The following FRYL variants were observed in gnomAD, a reference collection of about 807,000 sequenced individuals.
The protein encoded by FRYL is FRY like transcription coactivator, also known as protein furry homolog-like.
FRYL carries 150 observed loss-of-function variants against 351.2 expected under a neutral mutation model. The observed-to-expected ratio is 0.43, with a 90% CI of 0.37 to 0.49. The LOEUF is 0.49. Ranked by LOEUF, FRYL falls within the 20% of genes least tolerant of loss-of-function variation. FRYL has a pLI of 0.00. For synonymous variants in FRYL, 1,153 were observed against 1,257.1 expected, an observed-to-expected ratio of 0.92 and a Z score of 1.75; for missense variants, 3,036 against 3,619.3, an observed-to-expected ratio of 0.84 and a Z score of 4.13.
Position 48,558,651 on chromosome 4 carries a change from G to T in FRYL, c.3866-939C>A, listed in dbSNP as rs560165016. 7.9e-5 allele frequency among the ~76,000 whole-genome samples: 12 copies of T among 152,258 alleles called. No homozygotes were observed. In the South Asian group the frequency reaches 2.5e-3, roughly 32 times the overall value. ...AGATAAAAGAACATCTTTATACACAGATTAATTTTAAATTGACCCATTAGG... is the reference window on the plus strand; with the variant it reads ...AGATAAAAGAACATCTTTATACACATATTAATTTTAAATTGACCCATTAGG... On this transcript the variant is annotated intron_variant, in intron 33 of 63. Coordinates refer to ENST00000358350, the MANE Select transcript of FRYL (RefSeq NM_015030.2).
intron 3 of FRYL, among the ~76,000 whole-genome samples, chr4:48,679,049 GT>G (rs754983471): frequency 1.4e-4 from 22 of 152,220 alleles, no homozygotes; most frequent in Middle Eastern, 3.4e-3. Context: ...CTGTAGTAAA[GT>G]GAAGAAAACA....
In FRYL at chr4:48,589,813, T is replaced by C; in HGVS notation, c.1572A>G (p.Lys524=). Residue 524 remains lysine (K), a synonymous_variant, in exon 18 of 64, where the codon AAA becomes AAG. Transcript: ENST00000358350. The part of the protein sequence containing the change: ...ALDSILRHLD[K]EVGRPMCMTS... Reference sequence around the variant, plus strand: ...TCATACACATTGGTCTCCCAACTTCTTTGTCCAAATGTCTGAGGATGCTAT... The same window carrying C: ...TCATACACATTGGTCTCCCAACTTCCTTGTCCAAATGTCTGAGGATGCTAT... 1 of 1,613,796 alleles carries C rather than the reference T, an allele frequency of 6.2e-7. No homozygotes were observed. Among genetic ancestry groups the C allele is most frequent in the Non-Finnish European group, 8.5e-7 (1 of 1,179,716 alleles).
intron 4 of FRYL, among the ~76,000 whole-genome samples, chr4:48,625,679 T>C (rs1751645328): frequency 6.6e-6 from 1 of 152,136 alleles, no homozygotes; most frequent in African/African-American, 2.4e-5. Context: ...ACTTGACCAT[T>C]CATGAATTTT....
rs545890533 is a variant in FRYL, at chr4:48,675,786, G to A, written c.-81+8887C>T. ...GCAGCCCCTGTGCAGGATCCACTAG[G>A]TGAAGCCAGCTGGGCTCCTGAGTCT... is the stretch of plus-strand genomic sequence containing the variant. On this transcript the variant is annotated intron_variant, in intron 3 of 63. Transcript: ENST00000358350. Among the ~76,000 whole-genome samples the A allele has an allele frequency of 1.4e-3, 216 of 152,334 alleles. 1 individual carries two copies. Among genetic ancestry groups the A allele is most frequent in the African/African-American group, 4.6e-3 (191 of 41,584 alleles).
At position 48,603,316 on chromosome 4, in the gene FRYL, G is replaced by A. The variant is rs1373739605; in HGVS notation, c.907C>T (p.Leu303=). 2 of 1,611,204 alleles carry A rather than the reference G, an allele frequency of 1.2e-6. No individual in the cohort carries two copies. The highest frequency in any genetic ancestry group is 1.7e-5 in the Admixed American group (1 of 59,618). ...VEMLYQTTFE[L]SSRKKHSLAL... ...AATGAATGCTTCTTTCTCGAGCTCAGTTCAAAAGTAGTCTGATAAAGCATC... is the reference window on the plus strand; with the variant it reads ...AATGAATGCTTCTTTCTCGAGCTCAATTCAAAAGTAGTCTGATAAAGCATC... Residue 303 remains leucine (L), a synonymous_variant, in exon 12 of 64, where the codon CTG becomes TTG. Coordinates refer to ENST00000358350, the MANE Select transcript of FRYL (RefSeq NM_015030.2).
intron 1 of FRYL, among the ~76,000 whole-genome samples, chr4:48,748,072 C>G (rs1772862376): frequency 6.6e-6 from 1 of 151,934 alleles, no homozygotes; most frequent in Admixed American, 6.6e-5. Flanking sequence ...ATGGGGAAAC[C>G]CTGTCTCCAC....
intron 2 of FRYL, among the ~76,000 whole-genome samples, chr4:48,709,648 T>C (rs1240247515): frequency 6.6e-6 from 1 of 152,172 alleles, no homozygotes; most frequent in Non-Finnish European, 1.5e-5. Flanking sequence ...AGTGTTGGGA[T>C]TATGAAACCA....
At chr4:48,559,885 G>A (rs891627248) in intron 33 of FRYL, among the ~76,000 whole-genome samples, 6 of 152,166 alleles carry the variant, frequency 3.9e-5, no homozygotes, top group African/African-American at 1.4e-4. Context: ...AACACCAATT[G>A]CTGTGGAAAG....
chr4:48,711,862 A>G (rs1278756578), intron 1 of FRYL, among the ~76,000 whole-genome samples: 1 of 152,116 alleles, frequency 6.6e-6, no homozygotes, highest in Non-Finnish European at 1.5e-5. Flanking sequence ...TACTCCTCTG[A>G]GACAAAACTT....
chr4:48,759,946 A>C (rs2109364686), intron 1 of FRYL, among the ~76,000 whole-genome samples: 2 of 152,278 alleles, frequency 1.3e-5, no homozygotes, highest in Middle Eastern at 3.4e-3. Context: ...ACATCTTTGG[A>C]GGGCTCCTAT....
chr4:48,610,517 A>AT (rs1305908665), intron 7 of FRYL, among the ~76,000 whole-genome samples: 1 of 151,280 alleles, frequency 6.6e-6, no homozygotes, highest in African/African-American at 2.4e-5. Flanking sequence ...CCATGTCAGT[A>AT]TTTAGAGCGC....
intron 44 of FRYL, among the ~76,000 whole-genome samples, chr4:48,542,847 C>A (rs1226377450): frequency 1.3e-5 from 2 of 152,174 alleles, no homozygotes; most frequent in Non-Finnish European, 2.9e-5. Flanking sequence ...TCCACTCTTG[C>A]CCTCCCTACA....
At chr4:48,738,093 C>T (rs560948549) in intron 1 of FRYL, among the ~76,000 whole-genome samples, 4 of 152,096 alleles carry the variant, frequency 2.6e-5, no homozygotes, top group Admixed American at 6.6e-5. Context: ...TCATACTAGA[C>T]GTCCTAGCTA....
At chr4:48,731,591 G>A (rs1032694911) in intron 1 of FRYL, among the ~76,000 whole-genome samples, 1 of 152,108 alleles carries the variant, frequency 6.6e-6, no homozygotes, top group Non-Finnish European at 1.5e-5. Flanking sequence ...CAGAGATATA[G>A]ACCAATGGAA....
chr4:48,759,779 T>C (rs1774206603), intron 1 of FRYL, among the ~76,000 whole-genome samples: 1 of 152,094 alleles, frequency 6.6e-6, no homozygotes, highest in Non-Finnish European at 1.5e-5. Flanking sequence ...CTGCTTCCAC[T>C]TTTCAGGACC....
intron 1 of FRYL, among the ~76,000 whole-genome samples, chr4:48,758,830 C>A (rs1469906396): frequency 6.6e-6 from 1 of 152,172 alleles, no homozygotes; most frequent in Admixed American, 6.5e-5. Flanking sequence ...TGGAACCAAC[C>A]CAAATGTCCA....
chr4:48,763,345 C>A (rs1450754419), intron 1 of FRYL, among the ~76,000 whole-genome samples: 2 of 151,904 alleles, frequency 1.3e-5, no homozygotes, highest in Non-Finnish European at 2.9e-5. Flanking sequence ...AACTGCAGTC[C>A]CAGCTACTCG....
intron 3 of FRYL, among the ~76,000 whole-genome samples, chr4:48,666,339 C>G (rs1469256439): frequency 6.6e-6 from 1 of 151,730 alleles, no homozygotes; most frequent in Non-Finnish European, 1.5e-5. Context: ...TGCACTCCAG[C>G]CTGGGTGACA....
At position 48,580,745 on chromosome 4, in the gene FRYL, C is replaced by T. The variant is rs187085718; in HGVS notation, c.2259+120G>A. On this transcript the variant is annotated intron_variant, in intron 22 of 63. Coordinates refer to ENST00000358350, the MANE Select transcript of FRYL (RefSeq NM_015030.2). The stretch of plus-strand genomic sequence containing the variant: ...AAGCATTTTCTACTTTTCAAAAATA[C>T]TTTCTAACTCATTACATTTGTTAAG... The T allele has an allele frequency of 9.6e-4, 579 of 605,684 alleles. 4 individuals carry two copies. The East Asian group carries it at 0.014, about 15-fold the overall frequency. 37.5% of individuals were successfully genotyped at this position (605,684 alleles called of 1,614,324 possible). A position where few individuals can be genotyped will look rare whatever the true frequency, so the allele number is the denominator to read the frequency against.
Sources: allele counts gnomAD v4.1 joint callset (sites outside exome capture counted in the v4.1 genomes callset), GRCh38; gene constraint gnomAD v4.1.1; transcripts MANE v1.5; gene names NCBI Gene and HGNC (gene_info 2026-07-23, HGNC 2026-07-21).